The following ACVRL1 variants were observed in gnomAD, a reference collection of about 807,000 sequenced individuals.
The protein encoded by ACVRL1 is activin A receptor like type 1.
Under a neutral mutation model 51.9 loss-of-function variants are expected in ACVRL1, and 20 were observed. The observed-to-expected ratio is 0.39, with a 90% CI of 0.27 to 0.56. The LOEUF is 0.56. Ranked by LOEUF, ACVRL1 falls within the 20% of genes least tolerant of loss-of-function variation. The probability of loss-of-function intolerance (pLI) is 0.67; values close to 1 mark genes in which losing one functional copy is unlikely to be tolerated. For synonymous variants in ACVRL1, 288 were observed against 280.9 expected (o/e 1.03, Z -0.25); for missense variants, 451 against 670.3 (o/e 0.67, Z 3.61).
In ACVRL1 at chr12:51,917,450, C is replaced by T. The variant is rs1343007220; in HGVS notation, c.1246+1217C>T. On this transcript the variant is annotated intron_variant, in intron 8 of 9. Transcript: ENST00000388922. The surrounding 1 kb of genome is among the most constrained non-coding windows in gnomAD (Gnocchi z 4.2). ...TGGAGTGGACGGAGGATAGGTGGGT[C>T]GTCTAGACTGGTGGGAGCATTGTCA... is the stretch of plus-strand genomic sequence containing the variant. 1.3e-5 allele frequency among the ~76,000 whole-genome samples: 2 copies of T among 152,160 alleles called. No homozygotes were observed. The highest frequency in any genetic ancestry group is 4.8e-5 in the African/African-American group (2 of 41,430).
At position 51,916,169 on chromosome 12, in the gene ACVRL1, G is replaced by A; in HGVS notation, c.1182G>A (p.Lys394=). Residue 394 remains lysine, a synonymous_variant, in exon 8 of 10, where the codon AAG becomes AAA. Coordinates refer to ENST00000388922, the MANE Select transcript of ACVRL1 (RefSeq NM_000020.3). The part of the protein sequence containing the change: ...QIRTDCFESY[K]WTDIWAFGLV... ...GCACGGACTGCTTTGAGTCCTACAA[G>A]TGGACTGACATCTGGGCCTTTGGCC... 6.2e-7 allele frequency: 1 copy of A among 1,614,224 alleles called. No individual in the cohort carries two copies. Among genetic ancestry groups the A allele is most frequent in the Non-Finnish European group, 8.5e-7 (1 of 1,180,046 alleles).
At chr12:51,915,536 G>A (rs372693858) in intron 7 of ACVRL1, 36 bp downstream of exon 7, 1 of 1,586,910 alleles carries the variant, frequency 6.3e-7, no homozygotes, top group Non-Finnish European at 8.6e-7. Flanking sequence ...CCCTTCACAG[G>A]TGGGCGGAGC....
chr12:51,909,236 C>A (rs2139056067), intron 1 of ACVRL1, among the ~76,000 whole-genome samples: 1 of 152,312 alleles, frequency 6.6e-6, no homozygotes, highest in Non-Finnish European at 1.5e-5. Context: ...CTCTCCCCAC[C>A]TGAGGCTCAG....
Position 51,917,903 on chromosome 12 carries a change from T to C in ACVRL1, c.1247-1082T>C, listed in dbSNP as rs180858126. Among the ~76,000 whole-genome samples the C allele has an allele frequency of 2.8e-3, 420 of 152,254 alleles. 4 individuals carry two copies. Among genetic ancestry groups the C allele is most frequent in the African/African-American group, 9.7e-3 (401 of 41,550 alleles). On this transcript the variant is annotated intron_variant, in intron 8 of 9. Transcript: ENST00000388922. This position sits in a 1 kb window ranked among gnomAD's most constrained non-coding sequence, Gnocchi z 4.2. The stretch of plus-strand genomic sequence containing the variant: ...CGGACTCGCGGCGCATTATAAACAC[T>C]GTAATCTGGTGTCAGCCCCGGCACT...
chr12:51,914,310 G>A (rs1940775760), intron 5 of ACVRL1, 129 bp from the exon 6 acceptor site: 16 of 1,379,738 alleles, frequency 1.2e-5, no homozygotes, highest in Non-Finnish European at 1.6e-5. Context: ...TCTGGATTAA[G>A]TTAAACCTAA....
At position 51,913,244 on chromosome 12, in the gene ACVRL1, C is replaced by T. The variant is rs56080682; in HGVS notation, c.207C>T (p.Cys69=). Residue 69 remains cysteine (C), a synonymous_variant, in exon 3 of 10, where the codon TGC becomes TGT. Coordinates refer to ENST00000388922, the MANE Select transcript of ACVRL1 (RefSeq NM_000020.3). ...GGCACCCCCAGGAACATCGGGGCTG[C>T]GGGAACTTGCACAGGGAGCTCTGCA... is the stretch of plus-strand genomic sequence containing the variant. ...EGRHPQEHRG[C]GNLHRELCRG... is the part of the protein sequence containing the mutation. 927 of 1,591,284 alleles carry T rather than the reference C, an allele frequency of 5.8e-4. 6 individuals are homozygous for T. In the East Asian group the frequency reaches 8.9e-3, roughly 15 times the overall value.
In ACVRL1 at chr12:51,913,621, G is replaced by A. The variant is rs369146413; in HGVS notation, c.376G>A (p.Val126Met). Residue 126 changes from valine to methionine, a missense_variant, in exon 4 of 10, where the codon GTG (valine) becomes ATG (methionine). Val to Met is a conservative substitution (Grantham distance 21). Transcript: ENST00000388922. ...DGQLALILGP[V>M]LALLALVALG... ...CCAGCTGGCCCTGATCCTGGGCCCC[G>A]TGCTGGCCTTGCTGGCCCTGGTGGC... is the stretch of plus-strand genomic sequence containing the variant. The A allele has an allele frequency of 5.2e-5, 84 of 1,603,482 alleles. No homozygotes were observed. The highest frequency in any genetic ancestry group is 2.8e-4 in the Admixed American group (17 of 60,004).
chr12:51,915,337 G>A lies in ACVRL1; in HGVS notation c.885G>A (p.Glu295=). Reference sequence around the variant, plus strand: ...ACTTTCTGCAGAGACAGACGCTGGAGCCCCATCTGGCTCTGAGGCTAGCTG... The same window carrying A: ...ACTTTCTGCAGAGACAGACGCTGGAACCCCATCTGGCTCTGAGGCTAGCTG... ...LYDFLQRQTL[E]PHLALRLAVS... is the part of the protein sequence containing the mutation. The change falls in exon 7 of 10, where the codon GAG becomes GAA. Residue 295 remains glutamate (E), a synonymous_variant. Coordinates refer to ENST00000388922, the MANE Select transcript of ACVRL1 (RefSeq NM_000020.3). 1.2e-6 allele frequency: 2 copies of A among 1,614,162 alleles called. No individual in the cohort carries two copies. Among genetic ancestry groups the A allele is most frequent in the African/African-American group, 1.3e-5 (1 of 75,074 alleles).
chr12:51,920,945 G>GGGGGGGGGCGGC lies in ACVRL1; in HGVS notation c.*52_*53insGGGGGGGGCGGC. The stretch of plus-strand genomic sequence containing the variant: ...CTGCAGGGGGCTGGGGGGGTGGGGG[G>GGGGGGGGGCGGC]CAGTGGATGGTGCCCTATCTGGGTA... On this transcript the variant is annotated 3_prime_UTR_variant, in exon 10 of 10. Coordinates refer to ENST00000388922, the MANE Select transcript of ACVRL1 (RefSeq NM_000020.3). 1 of 740,486 alleles carries GGGGGGGGGCGGC rather than the reference G, an allele frequency of 1.4e-6. No individual in the cohort carries two copies. The highest frequency in any genetic ancestry group is 2.4e-6 in the Non-Finnish European group (1 of 424,058). The allele number at this position is 740,486 out of a possible 1,614,324, so 45.9% of individuals were successfully genotyped here. A position where few individuals can be genotyped will look rare whatever the true frequency, so the allele number is the denominator to read the frequency against.
Position 51,917,199 on chromosome 12 carries a change from G to C in ACVRL1, c.1246+966G>C, listed in dbSNP as rs550270338. ...TGAGGCAGCATCAGGGTCCGAAACC[G>C]GGCAGTCTGCCCCGGGGCCAGTGCT... On this transcript the variant is annotated intron_variant, in intron 8 of 9. Transcript: ENST00000388922. The surrounding 1 kb of genome is among the most constrained non-coding windows in gnomAD (Gnocchi z 4.2). 3.9e-4 allele frequency among the ~76,000 whole-genome samples: 59 copies of C among 152,306 alleles called. No individual in the cohort carries two copies. Among genetic ancestry groups the C allele is most frequent in the Middle Eastern group, 3.4e-3 (1 of 294 alleles).
Position 51,919,018 on chromosome 12 carries a change from A to G in ACVRL1, c.1280A>G (p.Asp427Gly). 1 of 1,614,114 alleles carries G rather than the reference A, an allele frequency of 6.2e-7. No individual in the cohort carries two copies. The highest frequency in any genetic ancestry group is 8.5e-7 in the Non-Finnish European group (1 of 1,180,016). The change falls in exon 9 of 10, where the codon GAT becomes GGT. Residue 427 changes from aspartate to glycine, a missense_variant. Asp to Gly is a moderately conservative substitution (Grantham distance 94). Transcript: ENST00000388922. ...IVEDYRPPFY[D>G]VVPNDPSFED... ...GAGGACTATAGACCACCCTTCTATG[A>G]TGTGGTGCCCAATGACCCCAGCTTT...
At position 51,914,601 on chromosome 12, in the gene ACVRL1, A is replaced by C; in HGVS notation, c.772+16A>C. On this transcript the variant is annotated intron_variant, in intron 6 of 9. Transcript: ENST00000388922. The stretch of plus-strand genomic sequence containing the variant: ...AACATCCTAGGCAAGGGGAGAGGCC[A>C]GCTGTGCCAGGCCTGGGGCTTTGCC... The C allele has an allele frequency of 6.2e-7, 1 of 1,607,042 alleles. No individual in the cohort carries two copies.
rs761647766 is a variant in ACVRL1, at chr12:51,920,931, T to TGGGGGGGGGGGGG, written c.*45_*46insGGGGGGGGGGGGG. ...TGATTCCTTTCTGCCTGCAGGGGGC[T>TGGGGGGGGGGGGG]GGGGGGGTGGGGGGCAGTGGATGGT... On this transcript the variant is annotated 3_prime_UTR_variant, in exon 10 of 10. Transcript: ENST00000388922. 6.4e-5 allele frequency: 13 copies of TGGGGGGGGGGGGG among 202,964 alleles called. No individual in the cohort carries two copies. Among genetic ancestry groups the TGGGGGGGGGGGGG allele is most frequent in the Middle Eastern group, 1.2e-3 (1 of 804 alleles). 12.6% of individuals were successfully genotyped at this position (202,964 alleles called of 1,614,324 possible).
At position 51,907,855 on chromosome 12, in the gene ACVRL1, A is replaced by G. The variant is rs914829031; in HGVS notation, c.-6+160A>G. On this transcript the variant is annotated intron_variant, in intron 1 of 9. Transcript: ENST00000388922. The surrounding 1 kb of genome is among the most constrained non-coding windows in gnomAD (Gnocchi z 4.5). The stretch of plus-strand genomic sequence containing the variant: ...AAGCTGCTCCTGGCTGACCACGCAC[A>G]GCTCCCATGACCCTACCTGAGACTT... Among the ~76,000 whole-genome samples the G allele has an allele frequency of 1.6e-4, 24 of 152,208 alleles. No individual in the cohort carries two copies. The highest frequency in any genetic ancestry group is 3.4e-4 in the Non-Finnish European group (23 of 68,012).
intron 7 of ACVRL1, chr12:51,915,774 C>A: frequency 1.6e-6 from 1 of 643,640 alleles, no homozygotes; most frequent in Non-Finnish European, 2.6e-6. Context: ...GCCTCCAGGT[C>A]TGCTCTGTGA....
rs1183525206 is a variant in ACVRL1 at position 51,913,654 on chromosome 12, G to C, written c.409G>C (p.Val137Leu). ...CTTGCTGGCCCTGGTGGCCCTGGGT[G>C]TCCTGGGCCTGTGGCATGTCCGACG... ...LALLALVALGVLGLWHVRRRQ... is the reference protein window; with the variant it reads ...LALLALVALGLLGLWHVRRRQ... Residue 137 changes from valine to leucine, a missense_variant, in exon 4 of 10, where the codon GTC (valine) becomes CTC (leucine). Transcript: ENST00000388922. The C allele has an allele frequency of 1.2e-6, 2 of 1,608,034 alleles. No individual in the cohort carries two copies. The highest frequency in any genetic ancestry group is 2.7e-5 in the African/African-American group (2 of 74,944).
At position 51,909,894 on chromosome 12, in the gene ACVRL1, C is replaced by T. The variant is rs185093150; in HGVS notation, c.-6+2199C>T. Among the ~76,000 whole-genome samples, 18 of 152,294 alleles carry T rather than the reference C, an allele frequency of 1.2e-4. No homozygotes were observed. The East Asian group carries it at 1.7e-3, about 15-fold the overall frequency. On this transcript the variant is annotated intron_variant, in intron 1 of 9. Coordinates refer to ENST00000388922, the MANE Select transcript of ACVRL1 (RefSeq NM_000020.3). The stretch of plus-strand genomic sequence containing the variant: ...TAGCTAACGTTTGAAATTAGTTTAA[C>T]GTCTGTAATTTCTGGCCAACAATAG...
chr12:51,915,466 C>A lies in ACVRL1; in HGVS notation c.1014C>A (p.Val338=). ...HRDFKSRNVL[V]KSNLQCCIAD... is the part of the protein sequence containing the mutation. ...ACTTCAAGAGCCGCAATGTGCTGGT[C>A]AAGAGCAACCTGCAGTGTTGCATCG... Residue 338 remains valine (V), a synonymous_variant, in exon 7 of 10, where the codon GTC becomes GTA. Coordinates refer to ENST00000388922, the MANE Select transcript of ACVRL1 (RefSeq NM_000020.3). 6.2e-7 allele frequency: 1 copy of A among 1,612,466 alleles called. No homozygotes were observed. The highest frequency in any genetic ancestry group is 1.1e-5 in the South Asian group (1 of 91,014).
Position 51,915,400 on chromosome 12 carries a change from G to T in ACVRL1, c.948G>T (p.Glu316Asp), listed in dbSNP as rs145300204. 1 of 1,613,950 alleles carries T rather than the reference G, an allele frequency of 6.2e-7. No individual in the cohort carries two copies. The highest frequency in any genetic ancestry group is 8.5e-7 in the Non-Finnish European group (1 of 1,180,050). Reference protein sequence around the residue: ...AACGLAHLHVEIFGTQGKPAI... With the variant: ...AACGLAHLHVDIFGTQGKPAI... Reference sequence around the variant, plus strand: ...GCGGCCTGGCGCACCTGCACGTGGAGATCTTCGGTACACAGGGCAAACCAG... The same window carrying T: ...GCGGCCTGGCGCACCTGCACGTGGATATCTTCGGTACACAGGGCAAACCAG... Residue 316 changes from glutamate to aspartate, a missense_variant, in exon 7 of 10, where the codon GAG becomes GAT. Physicochemically the swap from Glu to Asp is conservative, Grantham distance 45 (BLOSUM62 2). Transcript: ENST00000388922.
Sources: gnomAD v4.1 joint callset for allele counts (sites outside exome capture counted in the v4.1 genomes callset) on GRCh38, gnomAD v4.1.1 for gene constraint, Gnocchi (gnomAD v3.1) non-coding constraint, MANE v1.5 for transcripts, NCBI Gene and HGNC (gene_info 2026-07-23, HGNC 2026-07-21) for gene names.